The following CLVS1 variants were observed in gnomAD, a reference collection of about 807,000 sequenced individuals.
CLVS1 encodes the protein clavesin 1, also known as clavesin-1.
A neutral mutation model predicts 33.1 loss-of-function variants in CLVS1; 10 were observed. That is an observed-to-expected ratio of 0.30 (90% confidence interval 0.19 to 0.51). The LOEUF (loss-of-function observed/expected upper bound fraction) is 0.51. Ranked by LOEUF, CLVS1 falls within the 20% of genes least tolerant of loss-of-function variation. The pLI is 0.97. For missense variants in CLVS1, 343 were observed against 433.4 expected (o/e 0.79, Z 1.85); for synonymous variants, 163 against 166.1 (o/e 0.98, Z 0.14).
intron 1 of CLVS1, among the ~76,000 whole-genome samples, chr8:61,084,751 G>A (rs1805088169): frequency 6.6e-6 from 1 of 152,188 alleles, no homozygotes; most frequent in South Asian, 2.1e-4. Flanking sequence ...TGAAATAGAA[G>A]AGACAAGCTG....
the CLVS1 span, among the ~76,000 whole-genome samples, chr8:61,005,368 C>T: frequency 3.0e-5 from 4 of 131,432 alleles, no homozygotes; most frequent in Non-Finnish European, 6.4e-5. Flanking sequence ...AAGGGAACAA[C>T]AGGGTGGCTT....
rs192237154 is a variant in CLVS1, at chr8:61,141,253, C to G, written c.-152+9393C>G. Among the ~76,000 whole-genome samples, 162 of 152,230 alleles carry G rather than the reference C, an allele frequency of 1.1e-3. 1 individual carries two copies. Among genetic ancestry groups the G allele is most frequent in the Admixed American group, 3.5e-3 (53 of 15,302 alleles). ...TTTTTCTTTTCTTTCTTGTCCTTCTCCCACTTTGCATGGTCGAAAGGCCAT... is the reference window on the plus strand; with the variant it reads ...TTTTTCTTTTCTTTCTTGTCCTTCTGCCACTTTGCATGGTCGAAAGGCCAT... On this transcript the variant is annotated intron_variant, in intron 2 of 2. Coordinates refer to the CLVS1 transcript ENST00000522621.
intron 2 of CLVS1, among the ~76,000 whole-genome samples, chr8:61,141,763 T>C (rs1004638357): frequency 6.6e-6 from 1 of 152,240 alleles, no homozygotes. Context: ...ATTTTTGATA[T>C]GTCTGATATT....
upstream of CLVS1, among the ~76,000 whole-genome samples, chr8:61,287,557 G>A (rs1355438366): frequency 1.3e-5 from 2 of 151,812 alleles, no homozygotes; most frequent in African/African-American, 4.8e-5. Context: ...AAATATTTCT[G>A]TTCTTCTAGT....
chr8:61,314,059 G>A (rs991465777), intron 2 of CLVS1, among the ~76,000 whole-genome samples: 10 of 152,158 alleles, frequency 6.6e-5, no homozygotes, highest in African/African-American at 1.9e-4. Context: ...TATTCTTTGT[G>A]TGTCATTGTG....
At chr8:61,067,723 C>G (rs1289582562) in intron 1 of CLVS1, among the ~76,000 whole-genome samples, 1 of 151,866 alleles carries the variant, frequency 6.6e-6, no homozygotes, top group African/African-American at 2.4e-5. Flanking sequence ...AATACAGGAA[C>G]AGAAAACCAA....
intron 1 of CLVS1, among the ~76,000 whole-genome samples, chr8:61,061,654 G>T (rs985857296): frequency 2.0e-5 from 3 of 151,848 alleles, no homozygotes; most frequent in Non-Finnish European, 4.4e-5. Context: ...GCCCTGATTC[G>T]CTCACATGGG....
chr8:61,468,130 T>C (rs1329551925), intron 5 of CLVS1, among the ~76,000 whole-genome samples: 1 of 152,250 alleles, frequency 6.6e-6, no homozygotes, highest in Non-Finnish European at 1.5e-5. Context: ...TTTTATGGAA[T>C]ATTAACAACA....
Position 61,300,088 on chromosome 8 carries a change from A to G in CLVS1, c.261A>G (p.Gln87=). The change falls in exon 2 of 6, where the codon CAA becomes CAG. Residue 87 remains glutamine (Q), a synonymous_variant. Coordinates refer to ENST00000325897, the MANE Select transcript of CLVS1 (RefSeq NM_173519.3). ...LRFLRARKFH[Q]ADAFRLLAQY... is the part of the protein sequence containing the mutation. Reference sequence around the variant, plus strand: ...TTCTCCGAGCCAGGAAGTTTCACCAAGCGGATGCCTTTAGACTCCTGGCTC... The same window carrying G: ...TTCTCCGAGCCAGGAAGTTTCACCAGGCGGATGCCTTTAGACTCCTGGCTC... The G allele has an allele frequency of 1.2e-6, 2 of 1,614,038 alleles. No individual in the cohort carries two copies. Among genetic ancestry groups the G allele is most frequent in the Non-Finnish European group, 1.7e-6 (2 of 1,179,968 alleles).
chr8:60,976,614 C>T, the CLVS1 span, among the ~76,000 whole-genome samples: 1 of 152,232 alleles, frequency 6.6e-6, no homozygotes, highest in Non-Finnish European at 1.5e-5. Flanking sequence ...AGGACTTGAG[C>T]ATCAGCTAGG....
upstream of CLVS1, among the ~76,000 whole-genome samples, chr8:61,053,797 G>A (rs1353742791): frequency 2.0e-5 from 3 of 152,152 alleles, no homozygotes; most frequent in Non-Finnish European, 2.9e-5. Context: ...AGGAAATATT[G>A]GCTCCTTTCT....
chr8:61,394,425 A>C (rs1244358947), intron 3 of CLVS1, among the ~76,000 whole-genome samples: 1 of 152,180 alleles, frequency 6.6e-6, no homozygotes, highest in African/African-American at 2.4e-5. Flanking sequence ...TTCAGCTAGA[A>C]GAGCATGTAG....
intron 3 of CLVS1, among the ~76,000 whole-genome samples, chr8:61,403,924 C>T (rs1474193995): frequency 6.6e-6 from 1 of 151,944 alleles, no homozygotes; most frequent in African/African-American, 2.4e-5. Flanking sequence ...AAGAAGGCTT[C>T]AGGAAATGAA....
chr8:61,169,016 C>T (rs940297663), intron 2 of CLVS1, among the ~76,000 whole-genome samples: 6 of 152,204 alleles, frequency 3.9e-5, no homozygotes, highest in African/African-American at 1.2e-4. Flanking sequence ...CTAGCCTTGA[C>T]GAAAGTCCTA....
At chr8:61,488,042 T>A (rs1341879608) in intron 5 of CLVS1, among the ~76,000 whole-genome samples, 3 of 152,130 alleles carry the variant, frequency 2.0e-5, no homozygotes, top group Admixed American at 6.5e-5. Context: ...CCAGTCTAAT[T>A]CTAATGGAAG....
the CLVS1 span, among the ~76,000 whole-genome samples, chr8:61,030,312 G>C: frequency 5.3e-5 from 8 of 151,176 alleles, no homozygotes; most frequent in Non-Finnish European, 1.0e-4. Flanking sequence ...AGCGGGGTGG[G>C]GGGGCGCAAA....
In CLVS1 at chr8:61,202,423, G is replaced by T. The variant is rs992760529; in HGVS notation, c.-152+70563G>T. Reference sequence around the variant, plus strand: ...CTATCTTTTTGGTTGTGAACTAAAGGCTGACAAAGATTGTCACTTTAAGGT... The same window carrying T: ...CTATCTTTTTGGTTGTGAACTAAAGTCTGACAAAGATTGTCACTTTAAGGT... On this transcript the variant is annotated intron_variant, in intron 2 of 2. Transcript: ENST00000522621. 9 of 773,194 alleles carry T rather than the reference G, an allele frequency of 1.2e-5. No individual in the cohort carries two copies. In the Admixed American group the frequency reaches 1.4e-4, roughly 12 times the overall value. The allele number at this position is 773,194 out of a possible 1,614,324, so 47.9% of individuals were successfully genotyped here. A position where few individuals can be genotyped will look rare whatever the true frequency, so the allele number is the denominator to read the frequency against.
At chr8:61,091,170 A>G (rs374889446) in intron 1 of CLVS1, among the ~76,000 whole-genome samples, 1 of 152,210 alleles carries the variant, frequency 6.6e-6, no homozygotes, top group Non-Finnish European at 1.5e-5. Context: ...GGAGGAGTGA[A>G]GCACAGAGGA....
At chr8:61,287,967 C>A, upstream of CLVS1, 1 of 387,544 alleles carries the variant, frequency 2.6e-6, no homozygotes, top group East Asian at 7.2e-5. Flanking sequence ...ATCGGGCGCA[C>A]ACGCCTCCTA....
Sources: allele counts gnomAD v4.1 joint callset (sites outside exome capture counted in the v4.1 genomes callset), GRCh38; gene constraint gnomAD v4.1.1; transcripts MANE v1.5; gene names NCBI Gene and HGNC (gene_info 2026-07-23, HGNC 2026-07-21).